The following CNBD1 variants were observed in gnomAD, a reference collection of about 807,000 sequenced individuals.
CNBD1 encodes the protein cyclic nucleotide binding domain containing 1, also known as cyclic nucleotide-binding domain-containing protein 1.
In CNBD1, 71 loss-of-function variants were observed where a neutral mutation model predicts 54.4. The observed-to-expected ratio is 1.30, with a 90% CI of 1.08 to 1.59. The LOEUF is 1.59. Ranked by LOEUF, CNBD1 falls within the 40% of genes most tolerant of loss-of-function variation. The pLI, the probability that CNBD1 is intolerant of heterozygous loss-of-function variation, is 0.00. For missense variants in CNBD1, 659 were observed against 518.0 expected, an observed-to-expected ratio of 1.27 and a Z score of -2.64; for synonymous variants, 182 against 170.7, an observed-to-expected ratio of 1.07 and a Z score of -0.51.
intron 6 of CNBD1, among the ~76,000 whole-genome samples, chr8:87,237,553 G>C (rs1261171483): frequency 6.6e-6 from 1 of 152,112 alleles, no homozygotes; most frequent in Non-Finnish European, 1.5e-5. Flanking sequence ...ATTACAATCA[G>C]AAATTCTTAA....
chr8:86,966,825 C>T (rs1808088985), intron 4 of CNBD1, among the ~76,000 whole-genome samples: 1 of 152,140 alleles, frequency 6.6e-6, no homozygotes, highest in Admixed American at 6.5e-5. Context: ...AACAAAGCTT[C>T]CACAGCATGG....
intron 3 of CNBD1, among the ~76,000 whole-genome samples, chr8:86,934,394 T>C (rs969436644): frequency 6.6e-6 from 1 of 152,224 alleles, no homozygotes. Flanking sequence ...AGTTATAATA[T>C]CTGTGGATTC....
intron 6 of CNBD1, among the ~76,000 whole-genome samples, chr8:87,239,810 A>G (rs1214196658): frequency 1.3e-5 from 2 of 151,984 alleles, no homozygotes; most frequent in Non-Finnish European, 2.9e-5. Context: ...ACAGTGAAAC[A>G]ATTTTTTTTT....
At chr8:87,162,192 G>C (rs151225480) in intron 4 of CNBD1, among the ~76,000 whole-genome samples, 1 of 152,044 alleles carries the variant, frequency 6.6e-6, no homozygotes, top group African/African-American at 2.4e-5. Context: ...ACTAAATAGA[G>C]CATAGAAGAA....
chr8:87,292,568 A>G (rs773548297), intron 8 of CNBD1, among the ~76,000 whole-genome samples: 2 of 152,296 alleles, frequency 1.3e-5, no homozygotes, highest in South Asian at 4.1e-4. Context: ...TATTGTTCTT[A>G]TTAATACAAC....
At chr8:87,334,754 C>A (rs532365426) in intron 8 of CNBD1, among the ~76,000 whole-genome samples, 24 of 143,048 alleles carry the variant, frequency 1.7e-4, no homozygotes, top group Non-Finnish European at 7.5e-5. Context: ...GAGTCTCGCT[C>A]TGTTGCCAGG....
chr8:87,031,718 A>T (rs1809796288), intron 4 of CNBD1, among the ~76,000 whole-genome samples: 1 of 152,054 alleles, frequency 6.6e-6, no homozygotes, highest in Non-Finnish European at 1.5e-5. Context: ...CCAATTAGTC[A>T]CTAAACCCTT....
chr8:87,286,518 G>T lies in CNBD1; in HGVS notation c.910-21G>T. 3 of 1,319,182 alleles carry T rather than the reference G, an allele frequency of 2.3e-6. No individual in the cohort carries two copies. In the South Asian group the frequency reaches 4.0e-5, roughly 18 times the overall value. The allele number at this position is 1,319,182 out of a possible 1,614,324, so 81.7% of individuals were successfully genotyped here. A position where few individuals can be genotyped will look rare whatever the true frequency, so the allele number is the denominator to read the frequency against. On this transcript the variant is annotated intron_variant, in intron 7 of 10. Coordinates refer to ENST00000518476, the MANE Select transcript of CNBD1 (RefSeq NM_173538.3). ...TTAAATTGCCTGTTATTAAAAATTT[G>T]ATAATGACATTCTGTTTTAGGAAAA...
chr8:86,892,789 T>C lies in CNBD1; in HGVS notation c.158+5178T>C, dbSNP rs372973166. Among the ~76,000 whole-genome samples the C allele has an allele frequency of 8.5e-5, 13 of 152,264 alleles. No individual in the cohort carries two copies. In the East Asian group the frequency reaches 1.2e-3, roughly 14 times the overall value. On this transcript the variant is annotated intron_variant, in intron 2 of 10. Coordinates refer to ENST00000518476, the MANE Select transcript of CNBD1 (RefSeq NM_173538.3). ...CAAAATATCTTACTTTCCTTTTTCT[T>C]CCCTTTTTTCACTCACAGGATGTTG... is the stretch of plus-strand genomic sequence containing the variant.
At chr8:87,302,928 A>G (rs1809043580) in intron 8 of CNBD1, among the ~76,000 whole-genome samples, 1 of 151,890 alleles carries the variant, frequency 6.6e-6, no homozygotes, top group African/African-American at 2.4e-5. Flanking sequence ...CCAACTTACA[A>G]GGGATGTGAA....
At chr8:87,320,137 G>T (rs1471704957) in intron 8 of CNBD1, among the ~76,000 whole-genome samples, 1 of 151,996 alleles carries the variant, frequency 6.6e-6, no homozygotes, top group African/African-American at 2.4e-5. Context: ...CTCCAAAAGA[G>T]AAAAAATTAA....
At chr8:87,404,819 A>G (rs1055569271) in intron 2 of CNBD1, among the ~76,000 whole-genome samples, 1 of 119,422 alleles carries the variant, frequency 8.4e-6, no homozygotes, top group Non-Finnish European at 1.7e-5. Flanking sequence ...TTTTTATTTA[A>G]TCTTTTTCTG....
chr8:87,287,109 G>GA (rs1421195169), intron 8 of CNBD1, among the ~76,000 whole-genome samples: 3 of 152,074 alleles, frequency 2.0e-5, no homozygotes, highest in Admixed American at 6.6e-5. Flanking sequence ...ATTAGCCATG[G>GA]AAAAAAATAA....
intron 4 of CNBD1, among the ~76,000 whole-genome samples, chr8:87,077,207 A>G (rs1303180719): frequency 1.3e-5 from 2 of 152,150 alleles, no homozygotes; most frequent in Admixed American, 1.3e-4. Context: ...GGCTGCTATA[A>G]CAAATTACCA....
chr8:87,025,898 C>G (rs998472302), intron 4 of CNBD1, among the ~76,000 whole-genome samples: 1 of 152,164 alleles, frequency 6.6e-6, no homozygotes, highest in African/African-American at 2.4e-5. Context: ...ATTCAGGACA[C>G]AGGATGAATT....
chr8:87,380,719 A>T (rs1374043473), intron 10 of CNBD1, among the ~76,000 whole-genome samples: 1 of 151,968 alleles, frequency 6.6e-6, no homozygotes, highest in African/African-American at 2.4e-5. Context: ...TTCAGTAAAC[A>T]AGTCTTTTAC....
At chr8:87,159,119 A>C (rs1055021690) in intron 4 of CNBD1, among the ~76,000 whole-genome samples, 7 of 152,138 alleles carry the variant, frequency 4.6e-5, no homozygotes, top group Admixed American at 4.6e-4. Context: ...TACTTGTTGA[A>C]TTTTGATGGA....
intron 4 of CNBD1, among the ~76,000 whole-genome samples, chr8:87,092,541 GTGTA>G (rs1811237340): frequency 2.8e-5 from 3 of 107,186 alleles, no homozygotes; most frequent in African/African-American, 1.2e-4. Flanking sequence ...ATGTATGTGT[GTGTA>G]TATATATATA....
intron 2 of CNBD1, among the ~76,000 whole-genome samples, chr8:86,890,724 T>C (rs1808756034): frequency 6.6e-6 from 1 of 152,120 alleles, no homozygotes; most frequent in African/African-American, 2.4e-5. Flanking sequence ...TGTATGAGGG[T>C]TCCTTTCAGT....
Sources: gnomAD v4.1 joint callset for allele counts (sites outside exome capture counted in the v4.1 genomes callset) on GRCh38, gnomAD v4.1.1 for gene constraint, MANE v1.5 for transcripts, NCBI Gene and HGNC (gene_info 2026-07-23, HGNC 2026-07-21) for gene names.